Variants in CEP85L observed in about 807,000 individuals in gnomAD.
CEP85L encodes the protein centrosomal protein 85L.
A neutral mutation model predicts 100.3 loss-of-function variants in CEP85L; 60 were observed. The observed-to-expected ratio is 0.60, with a 90% CI of 0.49 to 0.74. The LOEUF is 0.74. Among genes scored for constraint, CEP85L ranks in the 30% least tolerant of loss-of-function variants. CEP85L has a pLI of 0.00. For synonymous variants in CEP85L, 319 were observed against 322.7 expected (o/e 0.99, Z 0.12); for missense variants, 973 against 936.2 (o/e 1.04, Z -0.51).
intron 4 of CEP85L, among the ~76,000 whole-genome samples, chr6:118,515,622 A>G (rs972542194): frequency 3.9e-5 from 6 of 152,246 alleles, no homozygotes; most frequent in Non-Finnish European, 7.3e-5. Context: ...TTTGGAAACA[A>G]TGTAACATAA....
chr6:118,574,812 T>C (rs546736842), intron 2 of CEP85L, among the ~76,000 whole-genome samples: 1 of 152,266 alleles, frequency 6.6e-6, no homozygotes, highest in East Asian at 1.9e-4. Context: ...TACAATTAAG[T>C]GCGAAGCGAG....
intron 1 of CEP85L, among the ~76,000 whole-genome samples, chr6:118,703,712 A>G (rs1005905993): frequency 5.3e-5 from 8 of 152,150 alleles, no homozygotes; most frequent in South Asian, 2.1e-4. Context: ...AGCCCCTACC[A>G]TATGCTCTTG....
At chr6:118,536,614 G>A (rs752650178) in intron 3 of CEP85L, among the ~76,000 whole-genome samples, 1 of 152,108 alleles carries the variant, frequency 6.6e-6, no homozygotes, top group African/African-American at 2.4e-5. Context: ...ATGCACTGTC[G>A]TGGCTGTAAG....
chr6:118,666,710 A>G (rs555480373), intron 1 of CEP85L, among the ~76,000 whole-genome samples: 24 of 152,180 alleles, frequency 1.6e-4, no homozygotes, highest in African/African-American at 4.8e-4. Flanking sequence ...GCTCCCTGAC[A>G]TTCTTTCAGT....
At chr6:118,597,825 T>C (rs560730622) in intron 2 of CEP85L, among the ~76,000 whole-genome samples, 1 of 152,316 alleles carries the variant, frequency 6.6e-6, no homozygotes, top group African/African-American at 2.4e-5. Flanking sequence ...CCAGTCTGGA[T>C]ACCGTGTGGG....
At chr6:118,680,354 TA>T (rs111360359) in intron 1 of CEP85L, among the ~76,000 whole-genome samples, 1,559 of 120,928 alleles carry the variant, frequency 0.013, 39 homozygotes, top group African/African-American at 0.043. Flanking sequence ...TTCTTCTTAT[TA>T]AAAAAAAAAA....
chr6:118,579,986 T>G (rs1373623539), intron 2 of CEP85L, among the ~76,000 whole-genome samples: 1 of 152,136 alleles, frequency 6.6e-6, no homozygotes, highest in East Asian at 1.9e-4. Flanking sequence ...CATGGTGCCC[T>G]GCATTTGCAT....
At chr6:118,557,063 C>T (rs1331497779) in intron 3 of CEP85L, among the ~76,000 whole-genome samples, 1 of 152,110 alleles carries the variant, frequency 6.6e-6, no homozygotes, top group Non-Finnish European at 1.5e-5. Flanking sequence ...ATAATAATTA[C>T]TATGTGTTCC....
rs570318245 is a variant in CEP85L, at chr6:118,651,167, C to T, written c.73+30G>A. On this transcript the variant is annotated intron_variant, in intron 1 of 12. Coordinates refer to ENST00000368491, the MANE Select transcript of CEP85L (RefSeq NM_001042475.3). ...GCGCCGCGGTCGGCCGTGACCCCCA[C>T]CCCAGCCGGGGCGCTGTCCCGTTCC... 117 of 1,485,838 alleles carry T rather than the reference C, an allele frequency of 7.9e-5. No homozygotes were observed. In the Admixed American group the frequency reaches 2.3e-3, roughly 30 times the overall value. The allele number at this position is 1,485,838 out of a possible 1,614,324, so 92.0% of individuals were successfully genotyped here.
chr6:118,544,777 AG>A, intron 3 of CEP85L, among the ~76,000 whole-genome samples: 1 of 152,310 alleles, frequency 6.6e-6, no homozygotes, highest in South Asian at 2.1e-4. Flanking sequence ...TAAGCTTTAT[AG>A]GTTACTTTAT....
At chr6:118,521,810 C>T (rs946563806) in intron 4 of CEP85L, among the ~76,000 whole-genome samples, 9 of 152,196 alleles carry the variant, frequency 5.9e-5, no homozygotes, top group East Asian at 1.9e-4. Flanking sequence ...CTACCACAGA[C>T]GCATAAATAA....
chr6:118,585,158 A>C (rs1262033671), intron 2 of CEP85L, among the ~76,000 whole-genome samples: 1 of 152,226 alleles, frequency 6.6e-6, no homozygotes, highest in Non-Finnish European at 1.5e-5. Context: ...ACAAGCGCTC[A>C]ATTAGCTGAG....
In CEP85L at chr6:118,648,153, CTG is replaced by C. The variant is rs546258399; in HGVS notation, c.73+3042_73+3043del. Among the ~76,000 whole-genome samples the C allele has an allele frequency of 3.4e-3, 520 of 152,256 alleles. 2 individuals are homozygous for C. Among genetic ancestry groups the C allele is most frequent in the African/African-American group, 0.011 (456 of 41,546 alleles). ...CCGGTAATCCCAGCCATTTGGGAGACTGAGGCACGAGAACCGCTTGGAACCGG... is the reference window on the plus strand; with the variant it reads ...CCGGTAATCCCAGCCATTTGGGAGACAGGCACGAGAACCGCTTGGAACCGG... On this transcript the variant is annotated intron_variant, in intron 1 of 12. Coordinates refer to ENST00000368491, the MANE Select transcript of CEP85L (RefSeq NM_001042475.3).
At chr6:118,652,866 A>T, upstream of CEP85L, 2 of 748,372 alleles carry the variant, frequency 2.7e-6, no homozygotes, top group Non-Finnish European at 4.3e-6. Flanking sequence ...CCTTTTTATT[A>T]TTTTAATGTG....
At chr6:118,644,185 G>C (rs1490697027) in intron 1 of CEP85L, among the ~76,000 whole-genome samples, 1 of 152,132 alleles carries the variant, frequency 6.6e-6, no homozygotes, top group African/African-American at 2.4e-5. Flanking sequence ...CATCTTACAT[G>C]GCTGCCTGGA....
At chr6:118,534,956 G>T (rs576244364) in intron 3 of CEP85L, among the ~76,000 whole-genome samples, 5 of 152,272 alleles carry the variant, frequency 3.3e-5, no homozygotes, top group African/African-American at 9.6e-5. Context: ...GGAGGCAGAA[G>T]TTGCAGTGAA....
chr6:118,705,783 T>G (rs939300266), intron 1 of CEP85L, among the ~76,000 whole-genome samples: 1 of 152,206 alleles, frequency 6.6e-6, no homozygotes, highest in East Asian at 1.9e-4. Flanking sequence ...AATAATTTAA[T>G]GGGAATGGTA....
intron 2 of CEP85L, among the ~76,000 whole-genome samples, chr6:118,606,426 T>C (rs1252880098): frequency 2.6e-5 from 4 of 152,238 alleles, no homozygotes; most frequent in Admixed American, 2.0e-4. Flanking sequence ...AAGTGCAAAA[T>C]GTCAGCTACT....
At chr6:118,524,297 A>G (rs1222553054) in intron 3 of CEP85L, among the ~76,000 whole-genome samples, 3 of 152,060 alleles carry the variant, frequency 2.0e-5, no homozygotes, top group Non-Finnish European at 2.9e-5. Flanking sequence ...ACAAAAAATT[A>G]GCCAGGCGTG....
Sources: gnomAD v4.1 joint callset for allele counts (sites outside exome capture counted in the v4.1 genomes callset) on GRCh38, gnomAD v4.1.1 for gene constraint, MANE v1.5 for transcripts, NCBI Gene and HGNC (gene_info 2026-07-23, HGNC 2026-07-21) for gene names.